The following NRG1 variants were observed in gnomAD, a reference collection of about 807,000 sequenced individuals.
The protein encoded by NRG1 is pro-neuregulin-1, membrane-bound isoform.
NRG1 carries 18 observed loss-of-function variants against 63.8 expected under a neutral mutation model. The observed-to-expected ratio is 0.28, with a 90% confidence interval of 0.19 to 0.42. The LOEUF is 0.42. Among genes scored for constraint, NRG1 ranks in the 10% least tolerant of loss-of-function variants. The pLI, the probability that NRG1 is intolerant of heterozygous loss-of-function variation, is 1.00. For synonymous variants in NRG1, 302 were observed against 301.3 expected (o/e 1.00, Z -0.02); for missense variants, 762 against 814.7 (o/e 0.94, Z 0.79).
chr8:32,651,289 A>G (rs892231275), intron 5 of NRG1, among the ~76,000 whole-genome samples: 26 of 152,178 alleles, frequency 1.7e-4, no homozygotes, highest in African/African-American at 5.5e-4. Flanking sequence ...TTGGAATGAA[A>G]GTATATAAGT....
intron 1 of NRG1, among the ~76,000 whole-genome samples, chr8:31,789,679 C>A (rs1820508918): frequency 6.6e-6 from 1 of 152,162 alleles, no homozygotes; most frequent in Non-Finnish European, 1.5e-5. Flanking sequence ...CTCCTGACTG[C>A]TTATGAAACC....
rs74425678 is a variant in NRG1, at chr8:32,741,938, G to A, written c.633-737G>A. On this transcript the variant is annotated intron_variant, in intron 6 of 11. Coordinates refer to ENST00000356819, the Ensembl canonical transcript of NRG1. ...TAGGAATCTCCATATTCCATAGGAG[G>A]AAAATTGCCAGTCTGAAAGCTCAGT... 3.9e-4 allele frequency: 460 copies of A among 1,166,084 alleles called. 1 individual carries two copies. The African/African-American group carries it at 6.1e-3, about 15-fold the overall frequency. The allele number at this position is 1,166,084 out of a possible 1,614,324, so 72.2% of individuals were successfully genotyped here.
intron 1 of NRG1, among the ~76,000 whole-genome samples, chr8:32,390,361 G>A (rs567091925): frequency 4.9e-4 from 75 of 152,116 alleles, no homozygotes; most frequent in Non-Finnish European, 5.4e-4. Flanking sequence ...CAGCCAGGGC[G>A]AATGAACCCA....
At chr8:31,796,444 TTTTTTTG>T (rs1821230243) in intron 1 of NRG1, among the ~76,000 whole-genome samples, 8 of 91,332 alleles carry the variant, frequency 8.8e-5, no homozygotes, top group East Asian at 5.2e-4. Flanking sequence ...TTTTTTTTTT[TTTTTTTG>T]AGATGGAGTC....
chr8:32,622,626 C>T (rs1848539577), intron 5 of NRG1, among the ~76,000 whole-genome samples: 1 of 152,102 alleles, frequency 6.6e-6, no homozygotes, highest in Admixed American at 6.5e-5. Context: ...AACTCCTGGG[C>T]TCAAGTGATT....
intron 1 of NRG1, among the ~76,000 whole-genome samples, chr8:32,182,564 AGTAGGC>A (rs1171947323): frequency 6.6e-6 from 1 of 152,166 alleles, no homozygotes; most frequent in Non-Finnish European, 1.5e-5. Flanking sequence ...CTTCACAGTC[AGTAGGC>A]CCAAAGGAAG....
intron 1 of NRG1, among the ~76,000 whole-genome samples, chr8:32,432,068 C>A (rs1220982008): frequency 2.0e-5 from 3 of 152,070 alleles, no homozygotes; most frequent in Admixed American, 6.6e-5. Context: ...CAGTGAATTC[C>A]TAATTGTAGA....
intron 1 of NRG1, among the ~76,000 whole-genome samples, chr8:32,520,788 C>T (rs868686372): frequency 9.8e-5 from 15 of 152,304 alleles, no homozygotes; most frequent in African/African-American, 3.4e-4. Flanking sequence ...TAAGTTTTAA[C>T]TTGTGCACTA....
chr8:32,569,292 G>A (rs952616625), intron 1 of NRG1, among the ~76,000 whole-genome samples: 7 of 152,066 alleles, frequency 4.6e-5, no homozygotes, highest in Admixed American at 3.9e-4. Context: ...CAACTGATCC[G>A]CCCACCTTGG....
chr8:32,109,720 T>G (rs1831754872), intron 1 of NRG1, among the ~76,000 whole-genome samples: 1 of 152,114 alleles, frequency 6.6e-6, no homozygotes, highest in Non-Finnish European at 1.5e-5. Flanking sequence ...AAAATGAAAG[T>G]TCCCCTTCAG....
At chr8:32,548,459 G>A (rs1833387864) in exon 1 of NRG1, 3 of 1,173,784 alleles carry the variant, frequency 2.6e-6, no homozygotes, top group Admixed American at 9.5e-5. Context: ...AGCCGCCAGC[G>A]GTGGGACCCA....
At chr8:32,185,072 T>A (rs1045858904) in intron 1 of NRG1, among the ~76,000 whole-genome samples, 3 of 152,162 alleles carry the variant, frequency 2.0e-5, no homozygotes, top group Non-Finnish European at 4.4e-5. Flanking sequence ...CCTAAGCCTG[T>A]TTACTCTGGG....
At chr8:32,412,449 TATAC>T (rs1168247067) in intron 1 of NRG1, among the ~76,000 whole-genome samples, 7,055 of 60,324 alleles carry the variant, frequency 0.12, 323 homozygotes, top group South Asian at 0.24. Flanking sequence ...TATATATATA[TATAC>T]ATATATATAT....
At chr8:31,734,898 C>G (rs1814498254) in intron 1 of NRG1, among the ~76,000 whole-genome samples, 1 of 152,156 alleles carries the variant, frequency 6.6e-6, no homozygotes, top group South Asian at 2.1e-4. Context: ...TTTCCTGCTT[C>G]CAGCCATCCC....
At chr8:31,785,702 T>A (rs950324453) in intron 1 of NRG1, among the ~76,000 whole-genome samples, 10 of 152,216 alleles carry the variant, frequency 6.6e-5, no homozygotes, top group Non-Finnish European at 1.0e-4. Context: ...GTTAAAAAAA[T>A]CTTGCATTAT....
intron 1 of NRG1, among the ~76,000 whole-genome samples, chr8:31,646,027 C>A (rs1043726797): frequency 1.3e-5 from 2 of 152,128 alleles, no homozygotes; most frequent in Admixed American, 1.3e-4. Flanking sequence ...TCTCTCGAAA[C>A]CTTGAAATTC....
At chr8:32,550,678 A>G (rs1195923857) in intron 1 of NRG1, among the ~76,000 whole-genome samples, 3 of 152,186 alleles carry the variant, frequency 2.0e-5, no homozygotes, top group Non-Finnish European at 4.4e-5. Flanking sequence ...GATCTCATCT[A>G]CTAGGTAGGC....
intron 1 of NRG1, among the ~76,000 whole-genome samples, chr8:32,163,975 CTGA>C (rs796350774): frequency 4.2e-4 from 64 of 152,268 alleles, no homozygotes; most frequent in African/African-American, 1.5e-3. Context: ...GCTTCAAATC[CTGA>C]TGATGTCAAT....
Position 32,399,512 on chromosome 8 carries a change from G to A in NRG1, c.38-196316G>A, listed in dbSNP as rs552025566. 1.1e-4 allele frequency among the ~76,000 whole-genome samples: 17 copies of A among 152,262 alleles called. No individual in the cohort carries two copies. In the South Asian group the frequency reaches 2.1e-3, roughly 19 times the overall value. ...CTGAGGTCAGGAGTTCGAGGCCAGC[G>A]TGGCCAATATTACAAAACCCCTTCT... On this transcript the variant is annotated intron_variant, in intron 1 of 10. Transcript: ENST00000519301.
Sources: allele counts gnomAD v4.1 joint callset (sites outside exome capture counted in the v4.1 genomes callset), GRCh38; gene constraint gnomAD v4.1.1; transcripts MANE v1.5; gene names NCBI Gene and HGNC (gene_info 2026-07-23, HGNC 2026-07-21).